Variants in TMEM132D observed in about 807,000 individuals in gnomAD.
TMEM132D encodes mature OL transmembrane protein.
Under a neutral mutation model 62.3 loss-of-function variants are expected in TMEM132D, and 21 were observed. That is an observed-to-expected ratio of 0.34 (90% CI 0.24 to 0.49). The LOEUF is 0.49. TMEM132D is among the 20% of genes least tolerant of loss of function. The probability of loss-of-function intolerance (pLI) is 0.99; values close to 1 mark genes in which losing one functional copy is unlikely to be tolerated. For synonymous variants in TMEM132D, 621 were observed against 575.6 expected (o/e 1.08, Z -1.13); for missense variants, 1,346 against 1,402.8 (o/e 0.96, Z 0.65).
chr12:129,120,254 G>A (rs1323494623), intron 5 of TMEM132D, among the ~76,000 whole-genome samples: 2 of 152,190 alleles, frequency 1.3e-5, no homozygotes, highest in Non-Finnish European at 2.9e-5. Context: ...ATGGGGGCAA[G>A]AGCGAAAGAC....
At chr12:129,736,644 T>C (rs1027825029) in intron 1 of TMEM132D, among the ~76,000 whole-genome samples, 3 of 152,046 alleles carry the variant, frequency 2.0e-5, no homozygotes, top group African/African-American at 4.8e-5. Context: ...TTGCCACATA[T>C]AAATTTTAAG....
At chr12:129,414,623 C>T (rs1157311071) in intron 3 of TMEM132D, among the ~76,000 whole-genome samples, 1 of 152,218 alleles carries the variant, frequency 6.6e-6, no homozygotes, top group African/African-American at 2.4e-5. Context: ...ATATTCATCA[C>T]TTCACCTAGT....
intron 1 of TMEM132D, among the ~76,000 whole-genome samples, chr12:129,881,160 A>T (rs1874579739): frequency 6.6e-6 from 1 of 152,126 alleles, no homozygotes; most frequent in Admixed American, 6.6e-5. Flanking sequence ...AATGCATAAT[A>T]ATCCTAAATG....
intron 2 of TMEM132D, among the ~76,000 whole-genome samples, chr12:129,566,331 C>G (rs1196539075): frequency 6.6e-6 from 1 of 152,090 alleles, no homozygotes; most frequent in Non-Finnish European, 1.5e-5. Context: ...ACATTGCAAA[C>G]CAAAAGTAAA....
intron 3 of TMEM132D, among the ~76,000 whole-genome samples, chr12:129,400,485 G>C: frequency 6.6e-6 from 1 of 152,076 alleles, no homozygotes; most frequent in East Asian, 1.9e-4. Flanking sequence ...TGAGGAAAGG[G>C]CTTTACTGGT....
In TMEM132D at chr12:129,903,295, C is replaced by G. The variant is rs1566025061; in HGVS notation, c.45G>C (p.Pro15=). ...ACAGGGCGGCCAGGCTGATGAGTAC[C>G]GGCGACCAGTGGTGCCACAGCGTCC... ...EMGTLWHHWS[P]VLISLAALFS... is the part of the protein sequence containing the mutation. Residue 15 remains proline, a synonymous_variant, in exon 1 of 9, where the codon CCG becomes CCC. Coordinates refer to ENST00000422113, the MANE Select transcript of TMEM132D (RefSeq NM_133448.3). The surrounding 1 kb of genome is among the most constrained non-coding windows in gnomAD (Gnocchi z 6.2). 1 of 1,554,614 alleles carries G rather than the reference C, an allele frequency of 6.4e-7. No homozygotes were observed.
At position 129,074,751 on chromosome 12, in the gene TMEM132D, G is replaced by A. The variant is rs905565508; in HGVS notation, c.2424C>T (p.Asp808=). 16 of 1,614,046 alleles carry A rather than the reference G, an allele frequency of 9.9e-6. No individual in the cohort carries two copies. Among genetic ancestry groups the A allele is most frequent in the African/African-American group, 2.7e-5 (2 of 74,914 alleles). The change falls in exon 9 of 9, where the codon GAC becomes GAT. Residue 808 remains aspartate, a synonymous_variant. Transcript: ENST00000422113. ...GQNDANPNTS[D]SRHTGAGVHM... ...GAACCCCTGCCCCTGTGTGTCTGCT[G>A]TCACTGGTGTTGGGGTTAGCATCGT...
chr12:129,271,639 T>A (rs1280839755), intron 4 of TMEM132D, among the ~76,000 whole-genome samples: 1 of 151,686 alleles, frequency 6.6e-6, no homozygotes, highest in African/African-American at 2.4e-5. Flanking sequence ...CAACTCCTAC[T>A]TATGAGTGAG....
At chr12:129,610,732 T>C (rs1878753050) in intron 2 of TMEM132D, among the ~76,000 whole-genome samples, 1 of 148,966 alleles carries the variant, frequency 6.7e-6, no homozygotes, top group South Asian at 2.1e-4. Context: ...TAATTGATGA[T>C]GTTAACATAA....
intron 5 of TMEM132D, among the ~76,000 whole-genome samples, chr12:129,181,161 C>T (rs1878055748): frequency 6.6e-6 from 1 of 152,142 alleles, no homozygotes; most frequent in Non-Finnish European, 1.5e-5. Context: ...CAATTTTTCT[C>T]TCCAGATTTG....
intron 4 of TMEM132D, among the ~76,000 whole-genome samples, chr12:129,254,516 C>T (rs1431283022): frequency 2.6e-5 from 4 of 152,076 alleles, no homozygotes; most frequent in African/African-American, 9.7e-5. Flanking sequence ...TCAGATCCCT[C>T]AGTAATCAAA....
chr12:129,632,570 C>T (rs754322924), intron 2 of TMEM132D, among the ~76,000 whole-genome samples: 2 of 152,166 alleles, frequency 1.3e-5, no homozygotes, highest in African/African-American at 4.8e-5. Flanking sequence ...TTTCTTCCAC[C>T]TGGGTGGGCC....
intron 1 of TMEM132D, among the ~76,000 whole-genome samples, chr12:129,888,445 A>C (rs1047811102): frequency 3.9e-5 from 6 of 152,134 alleles, no homozygotes; most frequent in Non-Finnish European, 7.4e-5. Context: ...CACCTGTAAT[A>C]CCAGCACTTT....
At chr12:129,193,186 C>T (rs1878455756) in intron 5 of TMEM132D, among the ~76,000 whole-genome samples, 1 of 151,014 alleles carries the variant, frequency 6.6e-6, no homozygotes, top group Non-Finnish European at 1.5e-5. Flanking sequence ...AAAGATACAA[C>T]AGCTTTATGC....
At chr12:129,420,791 T>A (rs1044180109) in intron 3 of TMEM132D, among the ~76,000 whole-genome samples, 14 of 152,136 alleles carry the variant, frequency 9.2e-5, no homozygotes, top group African/African-American at 2.9e-4. Flanking sequence ...CCTTTTGACA[T>A]TGAACACTTC....
At chr12:129,324,479 C>T (rs1868832047) in intron 4 of TMEM132D, among the ~76,000 whole-genome samples, 1 of 152,192 alleles carries the variant, frequency 6.6e-6, no homozygotes, top group African/African-American at 2.4e-5. Context: ...TTAGTCTTTT[C>T]ATCCCTAGAG....
rs527877574 is a variant in TMEM132D, at chr12:129,086,846, T to C, written c.1444-2144A>G. 1.7e-3 allele frequency among the ~76,000 whole-genome samples: 252 copies of C among 152,096 alleles called. 1 individual carries two copies. The highest frequency in any genetic ancestry group is 5.8e-3 in the African/African-American group (240 of 41,522). ...AACATGAGTGCAGGTATTTTTTCAA[T>C]GTAATGATTTTTCTTTTCTTTGGGT... On this transcript the variant is annotated intron_variant, in intron 5 of 8. Coordinates refer to ENST00000422113, the MANE Select transcript of TMEM132D (RefSeq NM_133448.3).
chr12:129,794,253 A>ATTTTTT (rs3046861), intron 1 of TMEM132D, among the ~76,000 whole-genome samples: 4 of 111,554 alleles, frequency 3.6e-5, no homozygotes, highest in South Asian at 3.2e-4. Context: ...CATGCCCAGC[A>ATTTTTT]TTTTTTTTTT....
chr12:129,738,342 G>A (rs556769704), intron 1 of TMEM132D, among the ~76,000 whole-genome samples: 11 of 151,618 alleles, frequency 7.3e-5, no homozygotes, highest in South Asian at 2.1e-4. Context: ...GAAGAAGGAC[G>A]AAAGAAACGG....
Sources: allele counts gnomAD v4.1 joint callset (sites outside exome capture counted in the v4.1 genomes callset), GRCh38; gene constraint gnomAD v4.1.1; non-coding constraint Gnocchi (gnomAD v3.1); transcripts MANE v1.5; gene names NCBI Gene and HGNC (gene_info 2026-07-23, HGNC 2026-07-21).